ZNF710: variants seen among roughly 807,000 people sequenced by gnomAD.
The protein encoded by ZNF710 is zinc finger protein 710.
Under a neutral mutation model 50.6 loss-of-function variants are expected in ZNF710, and 13 were observed. That is an observed-to-expected ratio of 0.26 (90% CI 0.17 to 0.41). The LOEUF is 0.41. ZNF710 is among the 10% of genes least tolerant of loss of function. The probability of loss-of-function intolerance (pLI) is 1.00; values close to 1 mark genes in which losing one functional copy is unlikely to be tolerated. For missense variants in ZNF710, 721 were observed against 936.6 expected (o/e 0.77, Z 3.01); for synonymous variants, 383 against 397.0 (o/e 0.96, Z 0.42).
chr15:90,024,147 A>T (rs1567224245), intron 1 of ZNF710, among the ~76,000 whole-genome samples: 1 of 152,194 alleles, frequency 6.6e-6, no homozygotes, highest in Non-Finnish European at 1.5e-5. Context: ...TACCTAAGCC[A>T]TGCCCAGGCG....
chr15:90,017,489 C>G (rs1898487450), intron 1 of ZNF710, among the ~76,000 whole-genome samples: 1 of 151,642 alleles, frequency 6.6e-6, no homozygotes, highest in Non-Finnish European at 1.5e-5. Flanking sequence ...TATTTTCTAA[C>G]TTGGAGTCAT....
intron 2 of ZNF710, among the ~76,000 whole-genome samples, chr15:90,072,471 T>A (rs1003656184): frequency 6.6e-6 from 1 of 151,864 alleles, no homozygotes; most frequent in Non-Finnish European, 1.5e-5. Context: ...GCTCTGGGAG[T>A]TTGAGACCCT....
chr15:90,030,446 A>G (rs1898904966), intron 1 of ZNF710, among the ~76,000 whole-genome samples: 1 of 151,770 alleles, frequency 6.6e-6, no homozygotes, highest in African/African-American at 2.4e-5. Context: ...TGGTTTTGCC[A>G]AGAACTTGAC....
chr15:90,064,856 G>A (rs372805413), intron 1 of ZNF710, among the ~76,000 whole-genome samples: 8 of 152,264 alleles, frequency 5.3e-5, no homozygotes, highest in African/African-American at 9.6e-5. Flanking sequence ...TGTTAGGACC[G>A]TGGGCCCTCA....
At chr15:90,028,258 T>C (rs946674912) in intron 1 of ZNF710, among the ~76,000 whole-genome samples, 1 of 152,206 alleles carries the variant, frequency 6.6e-6, no homozygotes, top group African/African-American at 2.4e-5. Flanking sequence ...CTGAACCATT[T>C]TGAAGAAAGT....
chr15:90,016,771 A>C (rs12909376), intron 1 of ZNF710, among the ~76,000 whole-genome samples: 83,081 of 151,992 alleles, frequency 0.55, 23,289 homozygotes, highest in Non-Finnish European at 0.61. Context: ...ATGGCCATAC[A>C]CCATAGCCTA....
Position 90,079,707 on chromosome 15 carries a change from C to T in ZNF710, c.1873C>T (p.Gln625Ter). The T allele has an allele frequency of 6.2e-7, 1 of 1,613,960 alleles. No homozygotes were observed. The highest frequency in any genetic ancestry group is 8.5e-7 in the Non-Finnish European group (1 of 1,179,924). ...TGTDPSELDG[Q>*]QEMEDFEENA... ...CACTGACCCTTCAGAGCTCGACGGC[C>T]AGCAGGAGATGGAGGACTTCGAGGA... is the stretch of plus-strand genomic sequence containing the variant. Residue 625 changes from glutamine (Q) to a stop codon, truncating the protein, a stop_gained, in exon 5 of 5, where the codon CAG becomes TAG. Transcript: ENST00000268154. LOFTEE classifies it high-confidence loss of function.
intron 4 of ZNF710, chr15:90,076,417 AGACTGTCAGT>A (rs1900590838): frequency 6.6e-6 from 1 of 152,236 alleles, no homozygotes; most frequent in Non-Finnish European, 1.5e-5. Context: ...GACCATGAAG[AGACTGTCAGT>A]GTTACAGCTC....
chr15:90,071,679 CTTT>C (rs762551098), intron 2 of ZNF710, among the ~76,000 whole-genome samples: 2 of 95,178 alleles, frequency 2.1e-5, no homozygotes, highest in Non-Finnish European at 5.0e-5. Context: ...TATTTTTACT[CTTT>C]TTTTTTTTTT....
At position 90,040,485 on chromosome 15, in the gene ZNF710, C is replaced by T. The variant is rs961403757; in HGVS notation, c.-28-26625C>T. On this transcript the variant is annotated intron_variant, in intron 1 of 4. Coordinates refer to ENST00000268154, the MANE Select transcript of ZNF710 (RefSeq NM_198526.4). This position sits in a 1 kb window ranked among gnomAD's most constrained non-coding sequence, Gnocchi z 4.6. ...TCTTTCTTGAAGGAATTTCTGTTCTCATCAGTTCATAAGCACAGTGCCCCT... is the reference window on the plus strand; with the variant it reads ...TCTTTCTTGAAGGAATTTCTGTTCTTATCAGTTCATAAGCACAGTGCCCCT... Among the ~76,000 whole-genome samples, 18 of 152,170 alleles carry T rather than the reference C, an allele frequency of 1.2e-4. No homozygotes were observed. The highest frequency in any genetic ancestry group is 2.5e-4 in the Non-Finnish European group (17 of 68,032).
At position 90,068,502 on chromosome 15, in the gene ZNF710, C is replaced by G. The variant is rs368623622; in HGVS notation, c.1365C>G (p.Leu455=). The stretch of plus-strand genomic sequence containing the variant: ...GCAGCCAGTTGCAGAACCACATGCT[C>G]AAGCACCAGAACGTGCGACCCTTCG... ...HYRSQLQNHM[L]KHQNVRPFVC... The change falls in exon 2 of 5, where the codon CTC becomes CTG. Residue 455 remains leucine, a synonymous_variant. Transcript: ENST00000268154. The surrounding 1 kb of genome is among the most constrained non-coding windows in gnomAD (Gnocchi z 5.0). 1.2e-6 allele frequency: 2 copies of G among 1,613,850 alleles called. No homozygotes were observed. Among genetic ancestry groups the G allele is most frequent in the Non-Finnish European group, 1.7e-6 (2 of 1,180,038 alleles).
intron 1 of ZNF710, among the ~76,000 whole-genome samples, chr15:90,039,019 C>G (rs1899218210): frequency 6.6e-6 from 1 of 152,142 alleles, no homozygotes; most frequent in Admixed American, 6.5e-5. Flanking sequence ...TGGCTCACGC[C>G]TATAATCCCA....
intron 4 of ZNF710, among the ~76,000 whole-genome samples, chr15:90,078,763 G>A (rs1043789453): frequency 1.3e-5 from 2 of 152,174 alleles, no homozygotes; most frequent in African/African-American, 4.8e-5. Context: ...GAGAAAGTCT[G>A]CCTTAGACCT....
At chr15:90,063,565 A>G (rs1428449860) in intron 1 of ZNF710, among the ~76,000 whole-genome samples, 2 of 152,104 alleles carry the variant, frequency 1.3e-5, no homozygotes, top group East Asian at 1.9e-4. Context: ...AGCCAAGCAC[A>G]GGCTCCTGAC....
intron 1 of ZNF710, among the ~76,000 whole-genome samples, chr15:90,048,435 G>T (rs1315977859): frequency 6.6e-6 from 1 of 152,254 alleles, no homozygotes; most frequent in Non-Finnish European, 1.5e-5. Context: ...ATCAGCACAG[G>T]GAGGAGGGTG....
At chr15:90,036,726 C>A (rs1044284220) in intron 1 of ZNF710, among the ~76,000 whole-genome samples, 3 of 152,080 alleles carry the variant, frequency 2.0e-5, no homozygotes, top group Admixed American at 2.0e-4. Flanking sequence ...CAGTCCTGGC[C>A]CCCCTCATCC....
Position 90,059,116 on chromosome 15 carries a change from T to A in ZNF710, c.-28-7994T>A, listed in dbSNP as rs761169485. ...TCAGGCTGAGAGAGGGTCCTCATCC[T>A]GTCCTCATGTACTTCAAGGGAAGCA... is the stretch of plus-strand genomic sequence containing the variant. On this transcript the variant is annotated intron_variant, in intron 1 of 4. Transcript: ENST00000268154. This position sits in a 1 kb window ranked among gnomAD's most constrained non-coding sequence, Gnocchi z 4.1. Among the ~76,000 whole-genome samples the A allele has an allele frequency of 1.3e-5, 2 of 152,236 alleles. No homozygotes were observed. Among genetic ancestry groups the A allele is most frequent in the Non-Finnish European group, 2.9e-5 (2 of 68,046 alleles).
chr15:90,029,844 A>G (rs1378495243), intron 1 of ZNF710, among the ~76,000 whole-genome samples: 2 of 151,060 alleles, frequency 1.3e-5, no homozygotes, highest in African/African-American at 2.4e-5. Context: ...CAAACTCCTG[A>G]CCTTAGGTGA....
At chr15:90,001,853 C>T (rs1898019240) in intron 1 of ZNF710, among the ~76,000 whole-genome samples, 1 of 108,108 alleles carries the variant, frequency 9.3e-6, no homozygotes, top group African/African-American at 3.5e-5. Flanking sequence ...GAGGGAGAGC[C>T]GGGGAAAGAG....
Sources: allele counts gnomAD v4.1 joint callset (sites outside exome capture counted in the v4.1 genomes callset), GRCh38; gene constraint gnomAD v4.1.1; non-coding constraint Gnocchi (gnomAD v3.1); transcripts MANE v1.5; gene names NCBI Gene and HGNC (gene_info 2026-07-23, HGNC 2026-07-21).